Variants in GALNT16 observed in about 807,000 individuals in gnomAD.
The protein encoded by GALNT16 is UDP-GalNAc:polypeptide N-acetylgalactosaminyltransferase-like protein 1.
Under a neutral mutation model 76.1 loss-of-function variants are expected in GALNT16, and 40 were observed. That is an observed-to-expected ratio of 0.53 (90% CI 0.41 to 0.68). The LOEUF is 0.68. GALNT16 is among the 30% of genes least tolerant of loss of function. GALNT16 has a pLI of 0.00. For synonymous variants in GALNT16, 276 were observed against 285.2 expected (o/e 0.97, Z 0.32); for missense variants, 621 against 731.9 (o/e 0.85, Z 1.75).
In GALNT16 at chr14:69,346,054, A is replaced by AT. The variant is rs60828231; in HGVS notation, c.1272-973dup. 4.8e-3 allele frequency among the ~76,000 whole-genome samples: 702 copies of AT among 146,404 alleles called. 4 individuals are homozygous for AT. The highest frequency in any genetic ancestry group is 0.011 in the African/African-American group (428 of 39,848). ...AGGCATGTGCCACTGTGCCTGGATA[A>AT]TTTTTTTTTTTTTAATTTTTGTAGA... On this transcript the variant is annotated intron_variant, in intron 12 of 14. Transcript: ENST00000448469.
intron 6 of GALNT16, 28 bp from the exon 7 acceptor site, chr14:69,331,436 C>A (rs776024610): frequency 1.5e-6 from 2 of 1,309,218 alleles, no homozygotes; most frequent in Non-Finnish European, 2.2e-6. Flanking sequence ...AGTCCCAGGC[C>A]TCACACCATC....
the GALNT16 span, among the ~76,000 whole-genome samples, chr14:69,370,695 T>A: frequency 0.045 from 6,858 of 152,316 alleles, 211 homozygotes; most frequent in South Asian, 0.11. Flanking sequence ...ATATGTCATT[T>A]TATCTGTAAA....
At chr14:69,372,917 C>T in the GALNT16 span, among the ~76,000 whole-genome samples, 1 of 152,190 alleles carries the variant, frequency 6.6e-6, no homozygotes, top group Non-Finnish European at 1.5e-5. Flanking sequence ...CCTGCAACCT[C>T]CCATTGGGAT....
At chr14:69,262,018 C>T (rs2044280887) in intron 1 of GALNT16, among the ~76,000 whole-genome samples, 2 of 152,220 alleles carry the variant, frequency 1.3e-5, no homozygotes, top group Non-Finnish European at 2.9e-5. Context: ...CAGGTTGGAG[C>T]TGGAACTGTC....
At chr14:69,339,713 C>A in intron 11 of GALNT16, 94 bp downstream of exon 11, 1 of 713,964 alleles carries the variant, frequency 1.4e-6, no homozygotes, top group Non-Finnish European at 2.3e-6. Flanking sequence ...GGGAACCACC[C>A]GCCACCTCCC....
At chr14:69,348,029 G>C in intron 14 of GALNT16, 27 bp downstream of exon 14, 1 of 1,613,332 alleles carries the variant, frequency 6.2e-7, no homozygotes, top group Non-Finnish European at 8.5e-7. Context: ...CTGGCCCAGA[G>C]GCCCAGCAGC....
chr14:69,267,408 TG>T (rs1594808077), intron 1 of GALNT16, among the ~76,000 whole-genome samples: 1 of 152,358 alleles, frequency 6.6e-6, no homozygotes. Flanking sequence ...GAGGCAGGTC[TG>T]CCCAGGTATA....
chr14:69,265,826 C>T (rs553835488), intron 1 of GALNT16, among the ~76,000 whole-genome samples: 5 of 152,286 alleles, frequency 3.3e-5, no homozygotes, highest in South Asian at 4.1e-4. Context: ...AAAACGGTGT[C>T]AAGTGGTTTA....
At chr14:69,362,577 C>G in the GALNT16 span, among the ~76,000 whole-genome samples, 1 of 152,260 alleles carries the variant, frequency 6.6e-6, no homozygotes, top group Non-Finnish European at 1.5e-5. Context: ...TCTGGCCCAG[C>G]TATTTCTGAG....
the GALNT16 span, among the ~76,000 whole-genome samples, chr14:69,373,732 C>CTTCTCT: frequency 1.3e-5 from 2 of 151,380 alleles, no homozygotes; most frequent in African/African-American, 4.9e-5. Flanking sequence ...TCTTTCTCTT[C>CTTCTCT]TTTTTCTTTC....
At chr14:69,304,247 T>C (rs74059945) in intron 1 of GALNT16, among the ~76,000 whole-genome samples, 551 of 152,342 alleles carry the variant, frequency 3.6e-3, no homozygotes, top group African/African-American at 0.013. Context: ...TTTTGAAATA[T>C]GAAACAGACT....
chr14:69,347,336 A>G (rs1350092115), intron 13 of GALNT16, among the ~76,000 whole-genome samples, 155 bp downstream of exon 13: 1 of 152,014 alleles, frequency 6.6e-6, no homozygotes, highest in Non-Finnish European at 1.5e-5. Context: ...CTACACATTC[A>G]TATCCCCTTT....
intron 6 of GALNT16, among the ~76,000 whole-genome samples, chr14:69,330,876 C>T (rs1161683918): frequency 6.6e-6 from 1 of 152,194 alleles, no homozygotes; most frequent in Non-Finnish European, 1.5e-5. Context: ...GATTTGTGTT[C>T]TGGGAGGTGA....
At chr14:69,383,428 C>T in the GALNT16 span, among the ~76,000 whole-genome samples, 1 of 152,244 alleles carries the variant, frequency 6.6e-6, no homozygotes, top group African/African-American at 2.4e-5. Context: ...AGTCTCTGGT[C>T]TGAGGAGTAA....
chr14:69,287,283 C>T (rs189340381), intron 1 of GALNT16, among the ~76,000 whole-genome samples: 4 of 152,206 alleles, frequency 2.6e-5, no homozygotes, highest in African/African-American at 4.8e-5. Context: ...CCTGTTGGTT[C>T]CCTGGGGACA....
chr14:69,260,168 T>G lies in GALNT16; in HGVS notation c.-123T>G, dbSNP rs1247980668. On this transcript the variant is annotated 5_prime_UTR_variant, in exon 1 of 15. Coordinates refer to ENST00000448469, the MANE Select transcript of GALNT16 (RefSeq NM_001168368.2). ...CGCCCCCCCACCTCTCTCCTTTTTC[T>G]GCTCTGCAGGACTGAGCAGCTAGGC... The G allele has an allele frequency of 3.2e-5, 5 of 156,876 alleles. No individual in the cohort carries two copies. Among genetic ancestry groups the G allele is most frequent in the Non-Finnish European group, 5.1e-5 (4 of 78,588 alleles). 9.7% of individuals were successfully genotyped at this position (156,876 alleles called of 1,614,324 possible). A position where few individuals can be genotyped will look rare whatever the true frequency, so the allele number is the denominator to read the frequency against.
chr14:69,362,799 G>T, the GALNT16 span, among the ~76,000 whole-genome samples: 1 of 152,232 alleles, frequency 6.6e-6, no homozygotes, highest in Non-Finnish European at 1.5e-5. Flanking sequence ...TTTCCAGCTG[G>T]TCAGGACTGT....
chr14:69,313,128 A>G (rs2045051458), intron 1 of GALNT16, among the ~76,000 whole-genome samples: 1 of 152,194 alleles, frequency 6.6e-6, no homozygotes, highest in Non-Finnish European at 1.5e-5. Context: ...TAGACCCTCA[A>G]TGAGCCGTCA....
chr14:69,341,886 G>A (rs974080377), intron 12 of GALNT16, 122 bp downstream of exon 12: 78 of 677,992 alleles, frequency 1.2e-4, no homozygotes, highest in African/African-American at 1.0e-3. Context: ...TCTAGCTGCC[G>A]GGTTTTATCT....
Sources: gnomAD v4.1 joint callset for allele counts (sites outside exome capture counted in the v4.1 genomes callset) on GRCh38, gnomAD v4.1.1 for gene constraint, MANE v1.5 for transcripts, NCBI Gene and HGNC (gene_info 2026-07-23, HGNC 2026-07-21) for gene names.